ZNF484: variants seen among roughly 807,000 people sequenced by gnomAD.
The protein encoded by ZNF484 is KRAB box containing C2H2 type zinc finger bA526D8.4.
ZNF484 carries 11 observed loss-of-function variants against 12.9 expected under a neutral mutation model. The observed-to-expected ratio is 0.85, with a 90% CI of 0.54 to 1.41. The LOEUF is 1.41. ZNF484 is among the 40% of genes most tolerant of loss of function. The pLI is 0.00. For synonymous variants in ZNF484, 289 were observed against 334.1 expected (o/e 0.86, Z 1.47); for missense variants, 807 against 1,007.7 (o/e 0.80, Z 2.70).
intron 2 of ZNF484, among the ~76,000 whole-genome samples, chr9:92,872,419 C>A (rs1857497360): frequency 1.4e-5 from 1 of 73,572 alleles, no homozygotes. Flanking sequence ...GAAACAGATT[C>A]TTTCAGGTTG....
intron 4 of ZNF484, among the ~76,000 whole-genome samples, chr9:92,849,197 G>T (rs1218196674): frequency 6.6e-6 from 1 of 151,566 alleles, no homozygotes; most frequent in Non-Finnish European, 1.5e-5. Context: ...GGAGGCAGAG[G>T]TTGCGGTGAG....
intron 2 of ZNF484, among the ~76,000 whole-genome samples, chr9:92,871,762 A>G (rs1036877388): frequency 2.0e-5 from 3 of 152,244 alleles, no homozygotes; most frequent in African/African-American, 7.2e-5. Context: ...TGGCTCCCCA[A>G]AGATGTTCAC....
At chr9:92,849,351 C>T (rs1430293165) in intron 4 of ZNF484, among the ~76,000 whole-genome samples, 1 of 151,324 alleles carries the variant, frequency 6.6e-6, no homozygotes, top group Non-Finnish European at 1.5e-5. Context: ...TTTAAATATA[C>T]ATAAATATAT....
intron 2 of ZNF484, among the ~76,000 whole-genome samples, chr9:92,857,519 CA>C (rs1856535039): frequency 6.6e-6 from 1 of 152,088 alleles, no homozygotes; most frequent in Admixed American, 6.5e-5. Context: ...AAGAACAGAG[CA>C]AAAGTCTAGT....
chr9:92,875,004 TAAG>T lies in ZNF484; in HGVS notation c.15+8_15+10del, dbSNP rs755456815. 3.2e-5 allele frequency: 51 copies of T among 1,613,494 alleles called. No individual in the cohort carries two copies. In the Admixed American group the frequency reaches 7.3e-4, roughly 23 times the overall value. ...AGCAACAAATAAACAGATGAACAAA[TAAG>T]AACTCACCAGGGACTTGGTCATTTT... On this transcript the variant is annotated splice_region_variant and intron_variant, in intron 2 of 4. Coordinates refer to ENST00000375495, the MANE Select transcript of ZNF484 (RefSeq NM_031486.4).
intron 4 of ZNF484, among the ~76,000 whole-genome samples, chr9:92,852,729 GT>G (rs1166079527): frequency 6.6e-6 from 1 of 151,286 alleles, no homozygotes; most frequent in Non-Finnish European, 1.5e-5. Context: ...TAGAGATGGG[GT>G]TTCGCCATGT....
At position 92,844,541 on chromosome 9, in the gene ZNF484, AG is replaced by A. The variant is rs745956168; in HGVS notation, c.*1686del. On this transcript the variant is annotated 3_prime_UTR_variant, in exon 5 of 5. Coordinates refer to ENST00000375495, the MANE Select transcript of ZNF484 (RefSeq NM_031486.4). ...TCAATGTGCAACAGTTAAAAAACAA[AG>A]ACAAATAGATAAATTTCAAAGGAGA... Among the ~76,000 whole-genome samples the A allele has an allele frequency of 1.2e-4, 19 of 152,242 alleles. No individual in the cohort carries two copies. Among genetic ancestry groups the A allele is most frequent in the African/African-American group, 4.1e-4 (17 of 41,466 alleles).
intron 2 of ZNF484, among the ~76,000 whole-genome samples, chr9:92,874,753 T>C (rs780456615): frequency 3.9e-5 from 6 of 152,220 alleles, no homozygotes; most frequent in Non-Finnish European, 7.3e-5. Context: ...ATTTTATTAA[T>C]ATAAACCATG....
Position 92,846,352 on chromosome 9 carries a change from G to T in ZNF484, c.2435C>A (p.Ala812Asp), listed in dbSNP as rs140809115. ...ACTGAGTTGTGGCTTCCAGTTTAAG[G>T]CTTTCCCCAAGTCACTGCACTTATA... ...KPYKCSDLGK[A>D]LNWKPQLSMP... The change falls in exon 5 of 5, where the codon GCC (alanine) becomes GAC (aspartate). Residue 812 changes from alanine to aspartate, a missense_variant. Coordinates refer to ENST00000375495, the MANE Select transcript of ZNF484 (RefSeq NM_031486.4). 6.2e-7 allele frequency: 1 copy of T among 1,614,110 alleles called. No individual in the cohort carries two copies. Among genetic ancestry groups the T allele is most frequent in the African/African-American group, 1.3e-5 (1 of 75,034 alleles).
intron 1 of ZNF484, among the ~76,000 whole-genome samples, chr9:92,877,347 C>T (rs1245778910): frequency 6.6e-6 from 1 of 151,850 alleles, no homozygotes; most frequent in Non-Finnish European, 1.5e-5. Flanking sequence ...ACCTTTCAGA[C>T]GCTTGATTCT....
At chr9:92,867,439 G>A (rs763130073) in intron 2 of ZNF484, among the ~76,000 whole-genome samples, 1 of 152,032 alleles carries the variant, frequency 6.6e-6, no homozygotes, top group East Asian at 1.9e-4. Flanking sequence ...CTGAGATTGC[G>A]CCATTGCACT....
intron 2 of ZNF484, among the ~76,000 whole-genome samples, chr9:92,874,500 C>T (rs7869743): frequency 2.6e-5 from 4 of 151,922 alleles, no homozygotes; most frequent in Non-Finnish European, 4.4e-5. Flanking sequence ...TTAGTGCAGA[C>T]GGGGTTTCAC....
intron 4 of ZNF484, among the ~76,000 whole-genome samples, chr9:92,850,910 T>C (rs1055564704): frequency 2.0e-5 from 3 of 152,192 alleles, no homozygotes; most frequent in African/African-American, 7.2e-5. Context: ...GGTTCAATTC[T>C]TCATCCCTGG....
chr9:92,855,675 T>A (rs1856391185), intron 4 of ZNF484, 136 bp downstream of exon 4: 3 of 704,136 alleles, frequency 4.3e-6, no homozygotes. Flanking sequence ...GGTCCTTGTC[T>A]AATAACTGCT....
Position 92,847,582 on chromosome 9 carries a change from T to C in ZNF484, c.1205A>G (p.His402Arg). ...TTTTTCTCCTGTATGGATTTTCTGA[T>C]GCATACTTAGTGTTGATTTCCTTGT... ...AFTRKSTLSM[H>R]QKIHTGEKPY... Residue 402 changes from histidine to arginine, a missense_variant, in exon 5 of 5, where the codon CAT (histidine) becomes CGT (arginine). By Grantham distance (29) the His-to-Arg change is conservative. Coordinates refer to ENST00000375495, the MANE Select transcript of ZNF484 (RefSeq NM_031486.4). 2 of 1,614,204 alleles carry C rather than the reference T, an allele frequency of 1.2e-6. No individual in the cohort carries two copies.
chr9:92,850,618 AGGCTGGAGT>A (rs1191139112), intron 4 of ZNF484, among the ~76,000 whole-genome samples: 4 of 152,132 alleles, frequency 2.6e-5, no homozygotes, highest in African/African-American at 9.7e-5. Flanking sequence ...TCTATCACCC[AGGCTGGAGT>A]GGCTGGAGTG....
chr9:92,869,088 T>G (rs1304206183), intron 2 of ZNF484, among the ~76,000 whole-genome samples: 1 of 151,954 alleles, frequency 6.6e-6, no homozygotes, highest in Non-Finnish European at 1.5e-5. Flanking sequence ...CAATAACTCG[T>G]AGGGGTTGTG....
In ZNF484 at chr9:92,846,458, T is replaced by C. The variant is rs201600170; in HGVS notation, c.2329A>G (p.Ile777Val). 1.5e-4 allele frequency: 250 copies of C among 1,614,026 alleles called. No homozygotes were observed. The highest frequency in any genetic ancestry group is 2.0e-4 in the Non-Finnish European group (241 of 1,180,010). The part of the protein sequence containing the change: ...HRIHTGEKPY[I>V]CAECGKAFTI... ...AAGGCCTTTCCACACTCAGCACATATATATGGTTTCTCTCCTGTGTGAATT... is the reference window on the plus strand; with the variant it reads ...AAGGCCTTTCCACACTCAGCACATACATATGGTTTCTCTCCTGTGTGAATT... The change falls in exon 5 of 5, where the codon ATA becomes GTA. Residue 777 changes from isoleucine (I) to valine (V), a missense_variant. Ile to Val is a conservative substitution (Grantham distance 29). Transcript: ENST00000375495.
intron 2 of ZNF484, among the ~76,000 whole-genome samples, chr9:92,868,428 C>T (rs1857238640): frequency 6.6e-6 from 1 of 152,174 alleles, no homozygotes; most frequent in Non-Finnish European, 1.5e-5. Flanking sequence ...AATTCCTTCT[C>T]TGTGTAACAG....
Sources: gnomAD v4.1 joint callset for allele counts (sites outside exome capture counted in the v4.1 genomes callset) on GRCh38, gnomAD v4.1.1 for gene constraint, MANE v1.5 for transcripts, NCBI Gene and HGNC (gene_info 2026-07-23, HGNC 2026-07-21) for gene names.